Variants in FAS observed in about 807,000 individuals in gnomAD.
The protein encoded by FAS is tumor necrosis factor receptor superfamily member 6.
A neutral mutation model predicts 33.2 loss-of-function variants in FAS; 5 were observed. The observed-to-expected ratio is 0.15, with a 90% CI of 0.08 to 0.32. The LOEUF (loss-of-function observed/expected upper bound fraction) is 0.32, where lower values mean the gene tolerates loss of function less well. Among genes scored for constraint, FAS ranks in the 10% least tolerant of loss-of-function variants. The pLI is 1.00. For missense variants in FAS, 339 were observed against 386.0 expected (o/e 0.88, Z 1.02); for synonymous variants, 131 against 130.7 (o/e 1.00, Z -0.01).
chr10:89,004,879 A>C (rs1848132467), intron 2 of FAS, among the ~76,000 whole-genome samples: 1 of 152,156 alleles, frequency 6.6e-6, no homozygotes. Flanking sequence ...TAGGCTTATC[A>C]ATATCTAAGT....
upstream of FAS, among the ~76,000 whole-genome samples, chr10:88,988,878 A>G (rs1290816122): frequency 1.3e-5 from 2 of 152,176 alleles, no homozygotes; most frequent in Non-Finnish European, 1.5e-5. Context: ...AATTAAAGTA[A>G]CCCAGAATTT....
At chr10:89,008,810 A>G in intron 3 of FAS, 79 bp from the exon 4 acceptor site, 2 of 1,325,752 alleles carry the variant, frequency 1.5e-6, no homozygotes, top group Non-Finnish European at 2.2e-6. Flanking sequence ...TCAAAAATCC[A>G]TGCAGCTCCT....
In FAS at chr10:89,016,605, G is replaced by C. The variant is rs1223136427; in HGVS notation, c.*2155G>C. ...TCATGGCTTCACCTAGTGGCCCCAAGCATGACTTCTCCCATGTCAATGAGC... is the reference window on the plus strand; with the variant it reads ...TCATGGCTTCACCTAGTGGCCCCAACCATGACTTCTCCCATGTCAATGAGC... On this transcript the variant is annotated 3_prime_UTR_variant, in exon 9 of 9. Transcript: ENST00000652046. 1 of 223,960 alleles carries C rather than the reference G, an allele frequency of 4.5e-6. No homozygotes were observed. Among genetic ancestry groups the C allele is most frequent in the Non-Finnish European group, 8.9e-6 (1 of 112,214 alleles). 13.9% of individuals were successfully genotyped at this position (223,960 alleles called of 1,614,324 possible).
chr10:89,007,359 C>G (rs535017947), intron 2 of FAS, among the ~76,000 whole-genome samples: 5 of 152,160 alleles, frequency 3.3e-5, no homozygotes, highest in Non-Finnish European at 7.4e-5. Flanking sequence ...ATATACCAAC[C>G]AACCTCTCCC....
intron 6 of FAS, among the ~76,000 whole-genome samples, chr10:89,011,431 ACAATTAT>A (rs1848522489): frequency 6.6e-6 from 1 of 152,248 alleles, no homozygotes; most frequent in Admixed American, 6.5e-5. Flanking sequence ...CCTTCTCAGA[ACAATTAT>A]CTGTTTCTTC....
Position 89,009,128 on chromosome 10 carries a change from G to T in FAS, c.443+131G>T, listed in dbSNP as rs1848400910. The T allele has an allele frequency of 8.4e-5, 75 of 896,144 alleles. 3 individuals are homozygous for T. The South Asian group carries it at 9.6e-4, about 11-fold the overall frequency. 55.5% of individuals were successfully genotyped at this position (896,144 alleles called of 1,614,324 possible). ...CTGCTTTGCCTCCAAGCAACTAGAT[G>T]ACTGTTTGCTCATTTAAACACTGGT... On this transcript the variant is annotated intron_variant, in intron 4 of 8. Coordinates refer to ENST00000652046, the MANE Select transcript of FAS (RefSeq NM_000043.6).
chr10:88,969,186 G>A (rs1441204327), intron 1 of FAS, among the ~76,000 whole-genome samples: 1 of 152,106 alleles, frequency 6.6e-6, no homozygotes, highest in Non-Finnish European at 1.5e-5. Flanking sequence ...GTGAGAATGG[G>A]GGAAATTGGA....
chr10:88,996,847 C>T (rs1224599272), intron 1 of FAS, among the ~76,000 whole-genome samples: 1 of 152,094 alleles, frequency 6.6e-6, no homozygotes, highest in Non-Finnish European at 1.5e-5. Context: ...GGTCCCAAGC[C>T]CCTCCCTCTC....
rs1182023041 is a variant in FAS, at chr10:89,014,827, G to C, written c.*377G>C. ...GCTAACCCCACTCTATGAATCAATAGAAGAAGCTATGACCTTTTGCTGAAA... is the reference window on the plus strand; with the variant it reads ...GCTAACCCCACTCTATGAATCAATACAAGAAGCTATGACCTTTTGCTGAAA... On this transcript the variant is annotated 3_prime_UTR_variant, in exon 9 of 9. Transcript: ENST00000652046. 3.7e-6 allele frequency: 2 copies of C among 543,728 alleles called. No individual in the cohort carries two copies. The highest frequency in any genetic ancestry group is 4.4e-5 in the Admixed American group (2 of 45,288). 33.7% of individuals were successfully genotyped at this position (543,728 alleles called of 1,614,324 possible). A position where few individuals can be genotyped will look rare whatever the true frequency, so the allele number is the denominator to read the frequency against.
intron 1 of FAS, among the ~76,000 whole-genome samples, chr10:88,965,887 A>T (rs1846310220): frequency 1.3e-5 from 2 of 152,186 alleles, no homozygotes. Flanking sequence ...AAAAATAAAT[A>T]TTCCTTAAAT....
At chr10:89,013,236 T>G (rs927537685) in intron 7 of FAS, 107 bp from the exon 8 acceptor site, 1 of 1,058,732 alleles carries the variant, frequency 9.4e-7, no homozygotes, top group Non-Finnish European at 1.4e-6. Flanking sequence ...ATCAAGCAAC[T>G]GATTGTACTT....
intron 2 of FAS, among the ~76,000 whole-genome samples, chr10:89,006,013 A>G (rs940902224): frequency 1.3e-5 from 2 of 152,158 alleles, no homozygotes; most frequent in African/African-American, 2.4e-5. Context: ...CATTATACTA[A>G]AAAAAGTATT....
At chr10:88,973,419 T>C (rs1037866282) in intron 2 of FAS, 5 of 1,233,892 alleles carry the variant, frequency 4.1e-6, no homozygotes, top group Non-Finnish European at 5.3e-6. Flanking sequence ...CAACTCTTTC[T>C]TGTTAGCCAT....
intron 1 of FAS, among the ~76,000 whole-genome samples, chr10:88,998,638 C>G (rs867414339): frequency 1.9e-4 from 29 of 152,242 alleles, no homozygotes; most frequent in Middle Eastern, 3.4e-3. Context: ...ACAGTTTAGC[C>G]CATGACAGTC....
intron 1 of FAS, among the ~76,000 whole-genome samples, chr10:88,964,098 G>A (rs1001449346): frequency 6.6e-6 from 1 of 151,094 alleles, no homozygotes; most frequent in Admixed American, 6.6e-5. Flanking sequence ...ATATATTTTA[G>A]TTTACTTTAG....
upstream of FAS, chr10:88,989,492 C>A (rs772573705): frequency 1.8e-5 from 10 of 543,980 alleles, no homozygotes; most frequent in Non-Finnish European, 3.6e-5. Flanking sequence ...GTGCACAAGG[C>A]TGGCACGCCC....
intron 2 of FAS, among the ~76,000 whole-genome samples, chr10:88,979,722 G>A (rs1210794263): frequency 4.6e-5 from 7 of 151,958 alleles, no homozygotes; most frequent in Admixed American, 1.3e-4. Context: ...AACTCAATTC[G>A]ATCAGAAAAG....
intron 7 of FAS, 25 bp downstream of exon 7, chr10:89,012,106 T>G (rs1236148463): frequency 6.3e-7 from 1 of 1,581,442 alleles, no homozygotes. Flanking sequence ...AGGTATCAGC[T>G]TTCCTTGAAA....
intron 1 of FAS, among the ~76,000 whole-genome samples, chr10:88,971,925 T>G (rs943022781): frequency 6.6e-6 from 1 of 152,044 alleles, no homozygotes; most frequent in African/African-American, 2.4e-5. Flanking sequence ...TTTTTTTTTT[T>G]TTTAGATGGA....
Sources: gnomAD v4.1 joint callset for allele counts (sites outside exome capture counted in the v4.1 genomes callset) on GRCh38, gnomAD v4.1.1 for gene constraint, MANE v1.5 for transcripts, NCBI Gene and HGNC (gene_info 2026-07-23, HGNC 2026-07-21) for gene names.